The following FBRSL1 variants were observed in gnomAD, a reference collection of about 807,000 sequenced individuals.
The protein encoded by FBRSL1 is fibrosin like 1, also known as fibrosin-1-like protein.
FBRSL1 carries 51 observed loss-of-function variants against 89.6 expected under a neutral mutation model. The ratio of observed to expected loss-of-function variants is 0.57; its 90% CI spans 0.45 to 0.72. The LOEUF is 0.72. Ranked by LOEUF, FBRSL1 falls within the 30% of genes least tolerant of loss-of-function variation. The pLI is 0.00. For synonymous variants in FBRSL1, 779 were observed against 681.1 expected, an observed-to-expected ratio of 1.14 and a Z score of -2.24; for missense variants, 1,618 against 1,451.8, an observed-to-expected ratio of 1.11 and a Z score of -1.86.
intron 15 of FBRSL1, among the ~76,000 whole-genome samples, chr12:132,579,968 C>T (rs879268052): frequency 3.3e-5 from 5 of 152,198 alleles, no homozygotes; most frequent in Non-Finnish European, 5.9e-5. Flanking sequence ...CCGTAGCTGT[C>T]GGTGTCCATC....
intron 4 of FBRSL1, among the ~76,000 whole-genome samples, chr12:132,536,462 GAC>G (rs1356106670): frequency 9.2e-5 from 14 of 151,652 alleles, no homozygotes; most frequent in Non-Finnish European, 1.3e-4. Flanking sequence ...ATGTGTATAT[GAC>G]AGTGTGTGAA....
intron 4 of FBRSL1, among the ~76,000 whole-genome samples, chr12:132,529,732 A>ACCACCCTGGGCTCTGCTCTG (rs2036106398): frequency 1.4e-5 from 2 of 142,148 alleles, no homozygotes; most frequent in African/African-American, 2.7e-5. Flanking sequence ...CCTGGGCTCT[A>ACCACCCTGGGCTCTGCTCTG]CCACCCTGGG....
chr12:132,570,955 C>T (rs1327603210), intron 8 of FBRSL1, 113 bp from the exon 9 acceptor site: 7 of 732,338 alleles, frequency 9.6e-6, no homozygotes, highest in East Asian at 1.3e-4. Flanking sequence ...CGAGTCAGCC[C>T]GGCCCAGGCT....
chr12:132,544,054 C>T (rs942017496), intron 4 of FBRSL1, among the ~76,000 whole-genome samples: 3 of 152,222 alleles, frequency 2.0e-5, no homozygotes, highest in Non-Finnish European at 4.4e-5. Flanking sequence ...GAGGAAGGAA[C>T]AGAGCCCAGT....
intron 4 of FBRSL1, among the ~76,000 whole-genome samples, chr12:132,529,586 TTCTCTGCCACCCTGG>T (rs1208815314): frequency 1.3e-5 from 2 of 150,366 alleles, no homozygotes; most frequent in African/African-American, 4.9e-5. Flanking sequence ...CCCTGGGCTC[TTCTCTGCCACCCTGG>T]GCTCTGCCAC....
At chr12:132,528,154 G>C (rs377556144) in intron 4 of FBRSL1, among the ~76,000 whole-genome samples, 166 bp downstream of exon 4, 4 of 151,688 alleles carry the variant, frequency 2.6e-5, no homozygotes, top group Non-Finnish European at 5.9e-5. Context: ...TGGGGTTGGT[G>C]GGGGGTGGAC....
chr12:132,581,974 A>G, intron 17 of FBRSL1, 88 bp from the exon 18 acceptor site: 1 of 1,327,628 alleles, frequency 7.5e-7, no homozygotes, highest in Non-Finnish European at 1.0e-6. Context: ...TCAGCCTGGG[A>G]CCCTTCTAAA....
At chr12:132,519,138 C>T (rs897947544) in intron 2 of FBRSL1, among the ~76,000 whole-genome samples, 6 of 152,384 alleles carry the variant, frequency 3.9e-5, no homozygotes, top group Admixed American at 6.5e-5. Flanking sequence ...TTGCCTGAGT[C>T]CCTGTTTACT....
intron 4 of FBRSL1, among the ~76,000 whole-genome samples, chr12:132,542,247 G>A (rs553958768): frequency 2.6e-5 from 4 of 152,280 alleles, no homozygotes; most frequent in Admixed American, 1.3e-4. Context: ...GTGGGCACGC[G>A]AGGCTCAACA....
chr12:132,520,573 C>T (rs1593322990), intron 2 of FBRSL1, among the ~76,000 whole-genome samples: 2 of 152,200 alleles, frequency 1.3e-5, no homozygotes, highest in South Asian at 2.1e-4. Context: ...GCTGTGGGTG[C>T]GGCATCGGCT....
Position 132,570,197 on chromosome 12 carries a change from C to G in FBRSL1, c.963C>G (p.Phe321Leu). ...ACGTGCCTGCATCCCTGGGCGCCTTCGCGGGCCACAGCCAGGCGGCAGCCA... is the reference window on the plus strand; with the variant it reads ...ACGTGCCTGCATCCCTGGGCGCCTTGGCGGGCCACAGCCAGGCGGCAGCCA... ...PTHVPASLGA[F>L]AGHSQAAANG... is the part of the protein sequence containing the mutation. Residue 321 changes from phenylalanine (F) to leucine (L), a missense_variant, in exon 7 of 19, where the codon TTC becomes TTG. Physicochemically the swap from Phe to Leu is conservative, Grantham distance 22. Transcript: ENST00000680143. 6.6e-7 allele frequency: 1 copy of G among 1,505,276 alleles called. No homozygotes were observed. The highest frequency in any genetic ancestry group is 8.8e-7 in the Non-Finnish European group (1 of 1,135,304). 93.2% of individuals were successfully genotyped at this position (1,505,276 alleles called of 1,614,324 possible).
At chr12:132,491,595 G>A (rs1222161207) in intron 1 of FBRSL1, among the ~76,000 whole-genome samples, 1 of 152,222 alleles carries the variant, frequency 6.6e-6, no homozygotes, top group African/African-American at 2.4e-5. Flanking sequence ...TACTTTGGGG[G>A]ACCCTCATCT....
chr12:132,496,107 C>T (rs1478822649), intron 1 of FBRSL1, among the ~76,000 whole-genome samples: 3 of 152,234 alleles, frequency 2.0e-5, no homozygotes, highest in Non-Finnish European at 2.9e-5. Flanking sequence ...GCACGTGCTG[C>T]GCACCTTCGC....
At chr12:132,581,604 C>G (rs2138147970) in intron 16 of FBRSL1, 88 bp downstream of exon 16, 2 of 1,510,884 alleles carry the variant, frequency 1.3e-6, no homozygotes, top group East Asian at 4.9e-5. Flanking sequence ...GAAGGTGGCC[C>G]CGAGCCCCAG....
At chr12:132,535,531 G>T (rs773770455) in intron 4 of FBRSL1, among the ~76,000 whole-genome samples, 1 of 152,240 alleles carries the variant, frequency 6.6e-6, no homozygotes, top group Non-Finnish European at 1.5e-5. Flanking sequence ...GCAGGTGTGT[G>T]GGGCACTGGC....
chr12:132,538,530 G>C (rs2036950087), intron 4 of FBRSL1, among the ~76,000 whole-genome samples: 2 of 152,206 alleles, frequency 1.3e-5, no homozygotes, highest in African/African-American at 4.8e-5. Context: ...ATGGCCACGG[G>C]GCCGCCACGT....
Position 132,570,219 on chromosome 12 carries a change from G to A in FBRSL1, c.985G>A (p.Ala329Thr), listed in dbSNP as rs139566867. The A allele has an allele frequency of 0.024, 35,310 of 1,500,780 alleles. 514 individuals are homozygous for A. The highest frequency in any genetic ancestry group is 0.032 in the Middle Eastern group (176 of 5,448). 93.0% of individuals were successfully genotyped at this position (1,500,780 alleles called of 1,614,324 possible). A position where few individuals can be genotyped will look rare whatever the true frequency, so the allele number is the denominator to read the frequency against. Residue 329 changes from alanine (A) to threonine (T), a missense_variant, in exon 7 of 19, where the codon GCC (alanine) becomes ACC (threonine). Physicochemically the swap from Ala to Thr is moderately conservative, Grantham distance 58. Transcript: ENST00000680143. The part of the protein sequence containing the change: ...GAFAGHSQAA[A>T]NGLHGLSRSS... ...CTTCGCGGGCCACAGCCAGGCGGCA[G>A]CCAACGGCCTGCACGGCCTCAGGTG...
intron 5 of FBRSL1, chr12:132,551,949 G>A (rs891586609): frequency 2.7e-5 from 8 of 290,968 alleles, no homozygotes; most frequent in African/African-American, 1.7e-4. Flanking sequence ...ATGGCTGTCT[G>A]GCCCGTCTGT....
chr12:132,499,201 C>T lies in FBRSL1; in HGVS notation c.291+8340C>T, dbSNP rs1013862791. On this transcript the variant is annotated intron_variant, in intron 1 of 18. Transcript: ENST00000680143. This position sits in a 1 kb window ranked among gnomAD's most constrained non-coding sequence, Gnocchi z 4.3. ...TGCTGCACAGTGGAGCCTCCAGGGC[C>T]GGCCAGGCAGGGATGGTGCCGGGCA... 6.6e-6 allele frequency among the ~76,000 whole-genome samples: 1 copy of T among 152,150 alleles called. No homozygotes were observed. Among genetic ancestry groups the T allele is most frequent in the Non-Finnish European group, 1.5e-5 (1 of 68,008 alleles).
Sources: gnomAD v4.1 joint callset for allele counts (sites outside exome capture counted in the v4.1 genomes callset) on GRCh38, gnomAD v4.1.1 for gene constraint, Gnocchi (gnomAD v3.1) non-coding constraint, MANE v1.5 for transcripts, NCBI Gene and HGNC (gene_info 2026-07-23, HGNC 2026-07-21) for gene names.